The following PRKG1 variants were observed in gnomAD, a reference collection of about 807,000 sequenced individuals.
The protein encoded by PRKG1 is protein kinase cGMP-dependent 1.
In PRKG1, 35 loss-of-function variants were observed where a neutral mutation model predicts 88.1. The ratio of observed to expected loss-of-function variants is 0.40; its 90% CI spans 0.30 to 0.53. The LOEUF is 0.53. PRKG1 is among the 20% of genes least tolerant of loss of function. The pLI is 0.59. For synonymous variants in PRKG1, 303 were observed against 292.5 expected (o/e 1.04, Z -0.37); for missense variants, 540 against 839.8 (o/e 0.64, Z 4.41).
chr10:52,102,506 GAA>G (rs759063674), intron 7 of PRKG1, among the ~76,000 whole-genome samples: 9 of 150,386 alleles, frequency 6.0e-5, no homozygotes, highest in Non-Finnish European at 1.3e-4. Context: ...TCTGCTGGAG[GAA>G]ACGGTCTAGA....
chr10:51,985,150 C>T (rs1017242060), intron 5 of PRKG1, among the ~76,000 whole-genome samples: 5 of 151,998 alleles, frequency 3.3e-5, no homozygotes, highest in African/African-American at 1.2e-4. Context: ...TATTCCATGC[C>T]TTTTGTTAAA....
At chr10:51,378,089 C>T (rs1318825878) in intron 2 of PRKG1, among the ~76,000 whole-genome samples, 1 of 152,230 alleles carries the variant, frequency 6.6e-6, no homozygotes, top group Admixed American at 6.5e-5. Flanking sequence ...TTGCTTTAGC[C>T]TTGGCCTTTG....
At chr10:51,826,046 G>C (rs1409094145) in intron 4 of PRKG1, among the ~76,000 whole-genome samples, 3 of 152,154 alleles carry the variant, frequency 2.0e-5, no homozygotes, top group African/African-American at 4.8e-5. Flanking sequence ...GAGTTGATTT[G>C]TAAAAGCTAT....
chr10:51,183,727 A>G (rs747330080), intron 2 of PRKG1, among the ~76,000 whole-genome samples: 12 of 152,090 alleles, frequency 7.9e-5, no homozygotes, highest in Non-Finnish European at 8.8e-5. Context: ...ATTAATCTGA[A>G]CATGTCTTTT....
chr10:50,991,495 A>G lies in PRKG1; in HGVS notation c.117A>G (p.Lys39=), dbSNP rs1418072211. 2 of 1,610,148 alleles carry G rather than the reference A, an allele frequency of 1.2e-6. No individual in the cohort carries two copies. Among genetic ancestry groups the G allele is most frequent in the Non-Finnish European group, 1.7e-6 (2 of 1,178,540 alleles). Residue 39 remains lysine (K), a synonymous_variant, in exon 1 of 18, where the codon AAA becomes AAG. Transcript: ENST00000401604. The surrounding 1 kb of genome is among the most constrained non-coding windows in gnomAD (Gnocchi z 4.5). ...AAGAAATTCAGGAGCTGAAGAGGAA[A>G]CTCCACAAATGCCAGTCGGTGCTCC...
chr10:51,075,978 A>G (rs2132807936), intron 1 of PRKG1, among the ~76,000 whole-genome samples: 1 of 152,338 alleles, frequency 6.6e-6, no homozygotes, highest in South Asian at 2.1e-4. Flanking sequence ...CTACTAACGA[A>G]ATCACATTGG....
At chr10:51,514,717 A>C (rs990830185) in intron 3 of PRKG1, among the ~76,000 whole-genome samples, 1 of 152,214 alleles carries the variant, frequency 6.6e-6, no homozygotes, top group Non-Finnish European at 1.5e-5. Flanking sequence ...TTAAATCTAG[A>C]TGAATCTGGA....
chr10:51,634,385 A>G (rs974610728), intron 3 of PRKG1, among the ~76,000 whole-genome samples: 1 of 152,260 alleles, frequency 6.6e-6, no homozygotes, highest in Non-Finnish European at 1.5e-5. Context: ...TTAGGGCCAA[A>G]GGGACCTCAA....
chr10:52,169,554 A>T (rs1302813124), intron 9 of PRKG1, among the ~76,000 whole-genome samples: 1 of 152,176 alleles, frequency 6.6e-6, no homozygotes, highest in African/African-American at 2.4e-5. Context: ...GGTAGGAGGC[A>T]GTGCACAGTC....
chr10:51,474,020 A>G lies in PRKG1; in HGVS notation c.592+6184A>G, dbSNP rs192017458. On this transcript the variant is annotated intron_variant, in intron 3 of 17. Transcript: ENST00000373980. ...TTTCTTAAAGGAAACCTTCCTGCCT[A>G]TAGGTCAGGGTCAGGATGAATTCCT... 2.6e-5 allele frequency among the ~76,000 whole-genome samples: 4 copies of G among 152,120 alleles called. 1 individual carries two copies. In the South Asian group the frequency reaches 6.2e-4, roughly 24 times the overall value.
intron 3 of PRKG1, among the ~76,000 whole-genome samples, chr10:51,738,037 G>T (rs1028266396): frequency 6.6e-6 from 1 of 151,852 alleles, no homozygotes; most frequent in Non-Finnish European, 1.5e-5. Flanking sequence ...CAAAGTGCTG[G>T]GATTACAGGC....
At chr10:52,185,890 G>A (rs1182757446) in intron 9 of PRKG1, among the ~76,000 whole-genome samples, 3 of 152,174 alleles carry the variant, frequency 2.0e-5, no homozygotes, top group Admixed American at 1.3e-4. Context: ...AAAGAGCAGT[G>A]TCCCAAGGCT....
intron 1 of PRKG1, among the ~76,000 whole-genome samples, chr10:51,142,327 A>G (rs1263323907): frequency 2.0e-5 from 3 of 152,154 alleles, no homozygotes; most frequent in African/African-American, 7.2e-5. Flanking sequence ...ATGAACTATG[A>G]CAGAATTTTG....
At chr10:51,250,926 T>C (rs1839411067) in intron 2 of PRKG1, among the ~76,000 whole-genome samples, 1 of 151,732 alleles carries the variant, frequency 6.6e-6, no homozygotes, top group South Asian at 2.1e-4. Context: ...ATAAGAAAGC[T>C]GAGGTGCTGG....
intron 5 of PRKG1, among the ~76,000 whole-genome samples, chr10:52,040,154 A>G (rs1456578766): frequency 1.3e-5 from 2 of 152,210 alleles, no homozygotes; most frequent in Non-Finnish European, 2.9e-5. Context: ...TAAACTCCTA[A>G]AGAAGTAAAA....
chr10:52,225,480 T>A (rs1840366436), intron 9 of PRKG1, among the ~76,000 whole-genome samples: 1 of 152,182 alleles, frequency 6.6e-6, no homozygotes, highest in Admixed American at 6.5e-5. Context: ...GCAAAAATGA[T>A]CTTTAGTTTA....
chr10:51,956,290 G>A (rs1478868069), intron 5 of PRKG1, among the ~76,000 whole-genome samples: 1 of 151,486 alleles, frequency 6.6e-6, no homozygotes, highest in African/African-American at 2.4e-5. Flanking sequence ...CAATTTTATT[G>A]GACACAAGTT....
At chr10:51,123,415 G>T (rs1225625247) in intron 1 of PRKG1, among the ~76,000 whole-genome samples, 8 of 152,130 alleles carry the variant, frequency 5.3e-5, no homozygotes, top group African/African-American at 1.9e-4. Flanking sequence ...CCCGGGCCTG[G>T]TGGCTCACGC....
chr10:52,221,753 C>T (rs546975059), intron 9 of PRKG1, among the ~76,000 whole-genome samples: 6 of 152,262 alleles, frequency 3.9e-5, no homozygotes, highest in East Asian at 3.9e-4. Context: ...AAATCAACTG[C>T]ATGTGTGCTA....
Sources: allele counts gnomAD v4.1 joint callset (sites outside exome capture counted in the v4.1 genomes callset), GRCh38; gene constraint gnomAD v4.1.1; non-coding constraint Gnocchi (gnomAD v3.1); transcripts MANE v1.5; gene names NCBI Gene and HGNC (gene_info 2026-07-23, HGNC 2026-07-21).